Variants in R3HDM2 observed in about 807,000 individuals in gnomAD.
The protein encoded by R3HDM2 is R3H domain-containing protein 2.
R3HDM2 carries 38 observed loss-of-function variants against 124.5 expected under a neutral mutation model. That is an observed-to-expected ratio of 0.31 (90% CI 0.24 to 0.40). R3HDM2 has a LOEUF of 0.40. R3HDM2 is among the 10% of genes least tolerant of loss of function. The pLI is 1.00. For synonymous variants in R3HDM2, 391 were observed against 448.0 expected, an observed-to-expected ratio of 0.87 and a Z score of 1.61; for missense variants, 869 against 1,236.9, an observed-to-expected ratio of 0.70 and a Z score of 4.46.
intron 1 of R3HDM2, among the ~76,000 whole-genome samples, chr12:57,406,233 A>G (rs976458079): frequency 4.6e-5 from 7 of 151,408 alleles, no homozygotes; most frequent in African/African-American, 1.7e-4. Flanking sequence ...AGGCAGGAGA[A>G]TCGCTTGAAT....
rs555747408 is a variant in R3HDM2 at position 57,430,296 on chromosome 12, C to A, written c.-106+424G>T. Among the ~76,000 whole-genome samples, 5 of 152,292 alleles carry A rather than the reference C, an allele frequency of 3.3e-5. No homozygotes were observed. In the East Asian group the frequency reaches 9.6e-4, roughly 29 times the overall value. ...CCCTGTATGTGCCAACTCAAATCCC[C>A]GTCCCTGTAAGAAACCTGGACACCA... On this transcript the variant is annotated intron_variant, in intron 1 of 23. Transcript: ENST00000402412.
Position 57,381,916 on chromosome 12 carries a change from C to G in R3HDM2, c.-36+13833G>C, listed in dbSNP as rs140764520. ...CACTGCAGCCTCAACCTCTCAGACT[C>G]AAGCAATCCTCCTATCAGCCTCCTG... On this transcript the variant is annotated intron_variant, in intron 2 of 23. Transcript: ENST00000402412. Among the ~76,000 whole-genome samples the G allele has an allele frequency of 2.5e-3, 373 of 152,120 alleles. 1 individual carries two copies. The highest frequency in any genetic ancestry group is 7.8e-3 in the African/African-American group (323 of 41,484).
At chr12:57,313,256 A>G (rs74382979) in intron 2 of R3HDM2, among the ~76,000 whole-genome samples, 201 of 152,282 alleles carry the variant, frequency 1.3e-3, no homozygotes, top group African/African-American at 4.5e-3. Context: ...GCTAGGAAAC[A>G]TTAATAAAGA....
intron 1 of R3HDM2, among the ~76,000 whole-genome samples, chr12:57,398,273 A>C (rs533215468): frequency 5.0e-4 from 76 of 152,228 alleles, no homozygotes; most frequent in Middle Eastern, 6.8e-3. Flanking sequence ...CTGCAATTCT[A>C]AACAGTGTCT....
chr12:57,253,806 A>AC lies in R3HDM2; in HGVS notation c.*966dup, dbSNP rs2038126122. 1 of 178,818 alleles carries AC rather than the reference A, an allele frequency of 5.6e-6. No individual in the cohort carries two copies. The highest frequency in any genetic ancestry group is 1.2e-5 in the Non-Finnish European group (1 of 86,358). The allele number at this position is 178,818 out of a possible 1,614,324, so 11.1% of individuals were successfully genotyped here. A position where few individuals can be genotyped will look rare whatever the true frequency, so the allele number is the denominator to read the frequency against. ...TTTTTTATATTTAAAAACAAAACCA[A>AC]CCTCCCCCCAAATAACCCCCAAACA... On this transcript the variant is annotated 3_prime_UTR_variant, in exon 24 of 24. Coordinates refer to ENST00000402412, the MANE Select transcript of R3HDM2 (RefSeq NM_001394031.1).
chr12:57,265,840 A>G (rs1269073920), intron 19 of R3HDM2, among the ~76,000 whole-genome samples: 2 of 147,164 alleles, frequency 1.4e-5, no homozygotes, highest in Admixed American at 6.9e-5. Context: ...TTTGTCGCCC[A>G]GGCTGGAGTG....
At chr12:57,256,362 C>T in intron 22 of R3HDM2, 52 bp downstream of exon 22, 1 of 1,411,274 alleles carries the variant, frequency 7.1e-7, no homozygotes, top group South Asian at 1.3e-5. Flanking sequence ...CACAGGCACC[C>T]AAATAAGAAG....
chr12:57,396,301 C>T lies in R3HDM2; in HGVS notation c.-105-483G>A, dbSNP rs1392280137. On this transcript the variant is annotated intron_variant, in intron 1 of 23. Coordinates refer to ENST00000402412, the MANE Select transcript of R3HDM2 (RefSeq NM_001394031.1). ...CTAAAAATACAAAAAATTAGCCAGG[C>T]ACGGTGGCATGTGCCTGTAATCCTA... 2.0e-5 allele frequency among the ~76,000 whole-genome samples: 3 copies of T among 151,748 alleles called. No homozygotes were observed. In the East Asian group the frequency reaches 5.8e-4, roughly 29 times the overall value.
In R3HDM2 at chr12:57,258,100, G is replaced by C; in HGVS notation, c.2339C>G (p.Pro780Arg). 6.3e-7 allele frequency: 1 copy of C among 1,587,608 alleles called. No homozygotes were observed. Among genetic ancestry groups the C allele is most frequent in the South Asian group, 1.1e-5 (1 of 86,994 alleles). ...TQMSSSPVTS[P>R]TQSPAPSPVT... ...AGGAGAGGGTGCTGGAGACTGGGTAGGAGATGTGACAGGGCTGCTGCTCAT... is the reference window on the plus strand; with the variant it reads ...AGGAGAGGGTGCTGGAGACTGGGTACGAGATGTGACAGGGCTGCTGCTCAT... Residue 780 changes from proline (P) to arginine (R), a missense_variant, in exon 21 of 24, where the codon CCT becomes CGT. Around this residue, in one of 2 missense-constraint regions of R3HDM2, gnomAD observed 602 missense variants for 789.2 expected, o/e 0.76. Transcript: ENST00000402412.
intron 2 of R3HDM2, among the ~76,000 whole-genome samples, chr12:57,347,148 AG>A (rs1298821672): frequency 1.3e-5 from 2 of 152,230 alleles, no homozygotes; most frequent in South Asian, 2.1e-4. Context: ...CAGGAGGCTG[AG>A]GAGGGAGGAT....
intron 2 of R3HDM2, among the ~76,000 whole-genome samples, chr12:57,328,709 A>G (rs2136506623): frequency 6.6e-6 from 1 of 152,134 alleles, no homozygotes; most frequent in South Asian, 2.1e-4. Context: ...TGGCAGCAAT[A>G]AAGTACTTTG....
intron 2 of R3HDM2, among the ~76,000 whole-genome samples, chr12:57,337,134 C>G (rs1566228793): frequency 6.6e-6 from 1 of 151,502 alleles, no homozygotes; most frequent in Non-Finnish European, 1.5e-5. Context: ...TTCTCTTTCT[C>G]TCTTTTTGTT....
intron 1 of R3HDM2, among the ~76,000 whole-genome samples, chr12:57,422,699 G>A (rs1256751045): frequency 1.3e-5 from 2 of 152,224 alleles, no homozygotes; most frequent in African/African-American, 4.8e-5. Context: ...ACAGGGGCCA[G>A]GTGCAGTAAT....
chr12:57,409,361 C>T (rs956639794), intron 1 of R3HDM2, among the ~76,000 whole-genome samples: 3 of 151,896 alleles, frequency 2.0e-5, no homozygotes, highest in Admixed American at 2.0e-4. Context: ...TAATACGCAC[C>T]AGCTTTCCTT....
At chr12:57,297,111 A>T in intron 8 of R3HDM2, 1 of 451,510 alleles carries the variant, frequency 2.2e-6, no homozygotes, top group Non-Finnish European at 4.0e-6. Context: ...TTTGACAAAG[A>T]AAAAGGAAGA....
chr12:57,339,952 G>C (rs2059358800), intron 2 of R3HDM2, among the ~76,000 whole-genome samples: 1 of 152,100 alleles, frequency 6.6e-6, no homozygotes, highest in African/African-American at 2.4e-5. Context: ...AAAGTAGGGA[G>C]AAAAGGGGAT....
intron 19 of R3HDM2, among the ~76,000 whole-genome samples, chr12:57,262,711 A>AGGGTAAAC (rs2041193313): frequency 6.6e-6 from 1 of 152,216 alleles, no homozygotes; most frequent in Non-Finnish European, 1.5e-5. Context: ...TTTTCAGTAT[A>AGGGTAAAC]GGGTAAACGA....
chr12:57,325,326 T>A (rs1021259870), intron 2 of R3HDM2, among the ~76,000 whole-genome samples: 2 of 152,164 alleles, frequency 1.3e-5, no homozygotes, highest in Non-Finnish European at 2.9e-5. Context: ...GTAGTTTTAA[T>A]AGAGACAAGG....
chr12:57,332,234 AC>A (rs1021882064), intron 2 of R3HDM2, among the ~76,000 whole-genome samples: 5 of 151,470 alleles, frequency 3.3e-5, no homozygotes, highest in African/African-American at 9.7e-5. Flanking sequence ...ACATAGTGGA[AC>A]CCTGTCTCTA....
Sources: allele counts gnomAD v4.1 joint callset (sites outside exome capture counted in the v4.1 genomes callset), GRCh38; gene constraint gnomAD v4.1.1; regional missense constraint gnomAD v4.1.1; transcripts MANE v1.5; gene names NCBI Gene and HGNC (gene_info 2026-07-23, HGNC 2026-07-21).